Variants in LRRTM4 observed in about 807,000 individuals in gnomAD.
LRRTM4 encodes leucine-rich repeat transmembrane neuronal protein 4.
In LRRTM4, 25 loss-of-function variants were observed where a neutral mutation model predicts 47.6. That is an observed-to-expected ratio of 0.53 (90% CI 0.38 to 0.73). LRRTM4 has a LOEUF of 0.73. LRRTM4 is among the 30% of genes least tolerant of loss of function. The pLI is 0.00. For missense variants in LRRTM4, 638 were observed against 713.4 expected (o/e 0.89, Z 1.20); for synonymous variants, 311 against 269.5 (o/e 1.15, Z -1.51).
chr2:77,032,458 A>T (rs936588851), intron 3 of LRRTM4, among the ~76,000 whole-genome samples: 1 of 152,140 alleles, frequency 6.6e-6, no homozygotes, highest in African/African-American at 2.4e-5. Flanking sequence ...GAGGTTCATG[A>T]CAATACCAAG....
At chr2:76,830,548 T>TG (rs1241893258) in intron 3 of LRRTM4, among the ~76,000 whole-genome samples, 2 of 119,292 alleles carry the variant, frequency 1.7e-5, no homozygotes, top group South Asian at 6.5e-4. Context: ...GTGTGTGTGT[T>TG]TCTGCACTAG....
intron 3 of LRRTM4, among the ~76,000 whole-genome samples, chr2:77,480,822 G>GTGGA (rs1222517611): frequency 1.6e-4 from 12 of 74,526 alleles, no homozygotes; most frequent in African/African-American, 3.7e-4. Context: ...GTGTGTGTGT[G>GTGGA]GAGAGAGAGA....
chr2:77,361,938 G>C (rs1672229188), intron 3 of LRRTM4, among the ~76,000 whole-genome samples: 1 of 151,536 alleles, frequency 6.6e-6, no homozygotes, highest in Non-Finnish European at 1.5e-5. Flanking sequence ...TACAAAAATT[G>C]GCTGGGCATG....
intron 3 of LRRTM4, among the ~76,000 whole-genome samples, chr2:77,135,853 A>G (rs781444780): frequency 1.3e-5 from 2 of 152,204 alleles, no homozygotes; most frequent in Non-Finnish European, 2.9e-5. Flanking sequence ...GAATGTAATA[A>G]GTAAAATGAA....
At chr2:77,449,472 G>A (rs1227399231) in intron 3 of LRRTM4, among the ~76,000 whole-genome samples, 7 of 151,974 alleles carry the variant, frequency 4.6e-5, no homozygotes, top group African/African-American at 1.5e-4. Flanking sequence ...ATTTTGACTG[G>A]CTTCCTCTAT....
At chr2:76,871,283 T>G (rs186561579) in intron 3 of LRRTM4, among the ~76,000 whole-genome samples, 71 of 152,266 alleles carry the variant, frequency 4.7e-4, no homozygotes, top group Admixed American at 2.4e-3. Context: ...AATATTAGTA[T>G]TAGAAGATTT....
intron 3 of LRRTM4, among the ~76,000 whole-genome samples, chr2:77,012,818 T>A (rs1489819738): frequency 6.6e-6 from 1 of 152,178 alleles, no homozygotes; most frequent in Non-Finnish European, 1.5e-5. Flanking sequence ...AAACAAGGAT[T>A]GCTTTGCTGG....
At chr2:77,042,999 G>C (rs1057028773) in intron 3 of LRRTM4, among the ~76,000 whole-genome samples, 1 of 151,702 alleles carries the variant, frequency 6.6e-6, no homozygotes, top group Admixed American at 6.6e-5. Context: ...CTCTGTCTCT[G>C]TTTCTCAATA....
At chr2:77,456,416 A>AG (rs376992119) in intron 3 of LRRTM4, among the ~76,000 whole-genome samples, 49 of 152,286 alleles carry the variant, frequency 3.2e-4, no homozygotes, top group Non-Finnish European at 5.1e-4. Context: ...AAACTAAAGT[A>AG]GGCTAACTGT....
rs561271073 is a variant in LRRTM4, at chr2:77,123,307, A to C, written c.1552-374391T>G. 4.1e-4 allele frequency among the ~76,000 whole-genome samples: 63 copies of C among 151,852 alleles called. 4 individuals carry two copies. The South Asian group carries it at 0.012, about 30-fold the overall frequency. ...GCATGCTTTTTATATCTTTACACTAAAGTATATCAACTTTCCTATTGAACT... is the reference window on the plus strand; with the variant it reads ...GCATGCTTTTTATATCTTTACACTACAGTATATCAACTTTCCTATTGAACT... On this transcript the variant is annotated intron_variant, in intron 3 of 3. Coordinates refer to ENST00000409884, the MANE Select transcript of LRRTM4 (RefSeq NM_001134745.3).
At chr2:77,517,807 C>A in intron 3 of LRRTM4, 1 of 985,330 alleles carries the variant, frequency 1.0e-6, no homozygotes, top group South Asian at 4.7e-5. Context: ...GGTGTGAGAT[C>A]CCTGTTGCAT....
intron 3 of LRRTM4, among the ~76,000 whole-genome samples, chr2:77,249,933 G>A (rs995787616): frequency 6.6e-6 from 1 of 152,200 alleles, no homozygotes; most frequent in Non-Finnish European, 1.5e-5. Flanking sequence ...CCCATCAGTA[G>A]TTGAATGGAT....
intron 3 of LRRTM4, among the ~76,000 whole-genome samples, chr2:77,271,222 T>C (rs1194312240): frequency 6.6e-6 from 1 of 152,130 alleles, no homozygotes; most frequent in South Asian, 2.1e-4. Flanking sequence ...TGAATATGGG[T>C]ACCCAGAAAA....
intron 3 of LRRTM4, among the ~76,000 whole-genome samples, chr2:77,462,333 C>T (rs898400216): frequency 2.0e-5 from 3 of 152,012 alleles, no homozygotes; most frequent in Non-Finnish European, 2.9e-5. Flanking sequence ...TTGTTGCTAA[C>T]GAAAGGCAAT....
At chr2:76,942,823 C>T (rs903455962) in intron 3 of LRRTM4, among the ~76,000 whole-genome samples, 2 of 151,948 alleles carry the variant, frequency 1.3e-5, no homozygotes, top group African/African-American at 2.4e-5. Context: ...TAATTTCTAT[C>T]TTATGGCTTC....
intron 3 of LRRTM4, among the ~76,000 whole-genome samples, chr2:77,091,897 C>T (rs1670653962): frequency 7.1e-6 from 1 of 141,836 alleles, no homozygotes; most frequent in South Asian, 2.3e-4. Context: ...AAAACAACAA[C>T]TCCTTTCCTT....
chr2:76,830,539 T>C (rs571963625), intron 3 of LRRTM4, among the ~76,000 whole-genome samples: 1 of 151,144 alleles, frequency 6.6e-6, no homozygotes, highest in South Asian at 2.1e-4. Flanking sequence ...TGTGTGTGTG[T>C]GTGTGTGTTT....
chr2:77,109,281 G>T lies in LRRTM4; in HGVS notation c.1552-360365C>A, dbSNP rs1236399570. On this transcript the variant is annotated intron_variant, in intron 3 of 3. Coordinates refer to ENST00000409884, the MANE Select transcript of LRRTM4 (RefSeq NM_001134745.3). ...AGGAATAAGATTTTGAGTTACATGA[G>T]CTTGAACACTGTAAAACTTGTAAAT... Among the ~76,000 whole-genome samples the T allele has an allele frequency of 2.6e-5, 4 of 152,064 alleles. No individual in the cohort carries two copies. The East Asian group carries it at 7.7e-4, about 29-fold the overall frequency.
chr2:77,127,395 A>G (rs902593061), intron 3 of LRRTM4, among the ~76,000 whole-genome samples: 1 of 152,210 alleles, frequency 6.6e-6, no homozygotes, highest in Non-Finnish European at 1.5e-5. Flanking sequence ...AATCACATGA[A>G]TCAATAAACT....
Sources: gnomAD v4.1 joint callset for allele counts (sites outside exome capture counted in the v4.1 genomes callset) on GRCh38, gnomAD v4.1.1 for gene constraint, MANE v1.5 for transcripts, NCBI Gene and HGNC (gene_info 2026-07-23, HGNC 2026-07-21) for gene names.